The following DMD variants were observed in gnomAD, a reference collection of about 807,000 sequenced individuals.
DMD encodes dystrophin.
In DMD, 63 loss-of-function variants were observed where a neutral mutation model predicts 330.1. The observed-to-expected ratio is 0.19, with a 90% CI of 0.16 to 0.24. DMD has a LOEUF of 0.24. DMD is among the 10% of genes least tolerant of loss of function. The probability of loss-of-function intolerance (pLI) is 1.00; values close to 1 mark genes in which losing one functional copy is unlikely to be tolerated. For missense variants in DMD, 3,344 were observed against 2,684.1 expected, an observed-to-expected ratio of 1.25 and a Z score of -5.43; for synonymous variants, 1,223 against 959.8, an observed-to-expected ratio of 1.27 and a Z score of -5.07.
intron 18 of DMD, among the ~76,000 whole-genome samples, chrX:32,508,592 A>G (rs2044886736): frequency 9.0e-6 from 1 of 111,251 alleles, no homozygotes; most frequent in African/African-American, 3.3e-5. Flanking sequence ...TAAAATAGCA[A>G]TAAAGATACC....
chrX:32,729,062 G>T (rs974874955), intron 7 of DMD, among the ~76,000 whole-genome samples: 1 of 112,161 alleles, frequency 8.9e-6, no homozygotes, highest in Non-Finnish European at 1.9e-5. Flanking sequence ...GGCAACACGT[G>T]TAAGCAAGTA....
chrX:31,489,902 T>C (rs2069123746), intron 57 of DMD, among the ~76,000 whole-genome samples: 1 of 111,881 alleles, frequency 8.9e-6, no homozygotes, highest in African/African-American at 3.2e-5. Context: ...GAGAGAAGAC[T>C]GGTAGAGAAG....
chrX:32,154,735 A>C (rs2096822161), intron 44 of DMD, among the ~76,000 whole-genome samples: 1 of 111,775 alleles, frequency 8.9e-6, no homozygotes, highest in Non-Finnish European at 1.9e-5. Context: ...GAAAGAGAGA[A>C]AATTTAATGT....
intron 7 of DMD, among the ~76,000 whole-genome samples, chrX:32,796,656 A>G (rs186587267): frequency 4.4e-4 from 49 of 112,200 alleles, no homozygotes; most frequent in Non-Finnish European, 2.4e-4. Flanking sequence ...GAATACCCCA[A>G]ATACACTGAC....
At chrX:33,010,363 CATAT>C (rs755223767) in intron 2 of DMD, among the ~76,000 whole-genome samples, 1 of 103,681 alleles carries the variant, frequency 9.6e-6, no homozygotes, top group Non-Finnish European at 2.0e-5. Flanking sequence ...TATGTATATC[CATAT>C]ATATATATAT....
chrX:32,558,845 T>A (rs188007722), intron 16 of DMD, among the ~76,000 whole-genome samples: 1 of 109,896 alleles, frequency 9.1e-6, no homozygotes, highest in East Asian at 2.8e-4. Flanking sequence ...TGCACTGATA[T>A]ACAAGGCCCA....
chrX:32,042,610 T>A (rs757167792), intron 44 of DMD, among the ~76,000 whole-genome samples: 1 of 111,935 alleles, frequency 8.9e-6, no homozygotes, highest in Admixed American at 9.5e-5. Context: ...TGTGTATAAT[T>A]TATTTCTGGT....
intron 44 of DMD, among the ~76,000 whole-genome samples, chrX:32,164,665 C>A (rs960731953): frequency 1.1e-4 from 12 of 111,652 alleles, no homozygotes; most frequent in African/African-American, 3.6e-4. Context: ...GCATATTTAA[C>A]AAGGAGCCCA....
At chrX:33,322,811 C>T (rs935766277) in intron 1 of DMD, among the ~76,000 whole-genome samples, 3 of 111,729 alleles carry the variant, frequency 2.7e-5, no homozygotes, top group Non-Finnish European at 3.8e-5. Context: ...ATAATACTGT[C>T]TATTGTGATG....
At chrX:32,755,147 T>A (rs2071339362) in intron 7 of DMD, among the ~76,000 whole-genome samples, 1 of 110,969 alleles carries the variant, frequency 9.0e-6, no homozygotes, top group African/African-American at 3.3e-5. Flanking sequence ...TCTCCCATGA[T>A]AAGGACAATG....
intron 2 of DMD, among the ~76,000 whole-genome samples, chrX:32,949,342 G>GTAGA (rs1193558967): frequency 0.071 from 6,524 of 91,432 alleles, 298 homozygotes; most frequent in Admixed American, 0.13. Context: ...AGGTAGGTAG[G>GTAGA]TAGATAGATA....
rs552784316 is a variant in DMD at position 31,278,412 on chromosome X, C to T, written c.9225-17396G>A. On this transcript the variant is annotated intron_variant, in intron 62 of 78. Transcript: ENST00000357033. ...CAGGAGGGGGAGCAAGTTGGGGAGG[C>T]GTTCATCAAGTCTGAAGTTCTAACC... 1.3e-4 allele frequency among the ~76,000 whole-genome samples: 14 copies of T among 111,052 alleles called. No homozygotes were observed. In the South Asian group the frequency reaches 1.9e-3, roughly 15 times the overall value.
intron 7 of DMD, among the ~76,000 whole-genome samples, chrX:32,704,129 T>C (rs184710781): frequency 2.9e-4 from 32 of 111,644 alleles, no homozygotes; most frequent in Non-Finnish European, 5.3e-4. Flanking sequence ...TTTAGCGAAA[T>C]TTGATCATTT....
chrX:33,181,825 T>C (rs1416284516), intron 1 of DMD, among the ~76,000 whole-genome samples: 5 of 111,817 alleles, frequency 4.5e-5, no homozygotes, highest in Non-Finnish European at 9.4e-5. Flanking sequence ...AAAGAAAACC[T>C]CTCAGCAGAT....
intron 7 of DMD, among the ~76,000 whole-genome samples, chrX:32,744,004 G>A (rs12116231): frequency 1.8e-5 from 2 of 110,281 alleles, no homozygotes; most frequent in Non-Finnish European, 3.8e-5. Flanking sequence ...GCAGGGTGTG[G>A]TGATTTAGCT....
intron 45 of DMD, among the ~76,000 whole-genome samples, chrX:31,946,304 G>A (rs753411536): frequency 4.5e-5 from 5 of 111,678 alleles, no homozygotes; most frequent in South Asian, 7.5e-4. Flanking sequence ...AATACTTAGC[G>A]AGTCAGAGGA....
At chrX:32,462,356 C>G (rs1267291287) in intron 25 of DMD, among the ~76,000 whole-genome samples, 2 of 111,983 alleles carry the variant, frequency 1.8e-5, no homozygotes, top group Admixed American at 1.9e-4. Context: ...TTCCAATTGA[C>G]CACAAGCATT....
intron 33 of DMD, among the ~76,000 whole-genome samples, chrX:32,382,446 G>A (rs2097930645): frequency 9.0e-6 from 1 of 111,222 alleles, no homozygotes. Context: ...ATAAAAATAT[G>A]TATAAAGCAT....
chrX:32,535,827 A>G (rs1012050815), intron 17 of DMD, among the ~76,000 whole-genome samples: 3 of 111,966 alleles, frequency 2.7e-5, no homozygotes, highest in Non-Finnish European at 3.8e-5. Flanking sequence ...AATACCTACT[A>G]TGAGCTGACT....
Sources: allele counts gnomAD v4.1 joint callset (sites outside exome capture counted in the v4.1 genomes callset), GRCh38; gene constraint gnomAD v4.1.1; transcripts MANE v1.5; gene names NCBI Gene and HGNC (gene_info 2026-07-23, HGNC 2026-07-21).